Variants in AGAP1 observed in about 807,000 individuals in gnomAD.
AGAP1 encodes ArfGAP with GTPase domain, ankyrin repeat and PH domain 1.
In AGAP1, 29 loss-of-function variants were observed where a neutral mutation model predicts 105.3. The ratio of observed to expected loss-of-function variants is 0.28; its 90% CI spans 0.21 to 0.38. The LOEUF is 0.38. AGAP1 is among the 10% of genes least tolerant of loss of function. AGAP1 has a pLI of 1.00. For synonymous variants in AGAP1, 509 were observed against 485.9 expected (o/e 1.05, Z -0.63); for missense variants, 998 against 1,165.1 (o/e 0.86, Z 2.09).
In AGAP1 at chr2:236,035,291, C is replaced by G. The variant is rs545922716; in HGVS notation, c.1646-1270C>G. On this transcript the variant is annotated intron_variant, in intron 13 of 17. Coordinates refer to ENST00000304032, the MANE Select transcript of AGAP1 (RefSeq NM_001037131.3). The surrounding 1 kb of genome is among the most constrained non-coding windows in gnomAD (Gnocchi z 4.2). ...TGCAGCTAGTTCACAGGCCAGGGCC[C>G]GGAAACATTGAGTCAAATGAGATGT... Among the ~76,000 whole-genome samples the G allele has an allele frequency of 6.6e-6, 1 of 152,096 alleles. No individual in the cohort carries two copies. The highest frequency in any genetic ancestry group is 1.5e-5 in the Non-Finnish European group (1 of 68,022).
chr2:235,894,293 G>A (rs560372794), intron 10 of AGAP1, among the ~76,000 whole-genome samples: 2 of 152,226 alleles, frequency 1.3e-5, no homozygotes, highest in Admixed American at 6.5e-5. Context: ...TCTTGGGACC[G>A]AAGAGATAAT....
At chr2:235,516,055 TCTGCTGCTG>T (rs112761133) in intron 1 of AGAP1, among the ~76,000 whole-genome samples, 109 of 138,712 alleles carry the variant, frequency 7.9e-4, no homozygotes, top group African/African-American at 9.4e-4. Context: ...CATGGGCTCC[TCTGCTGCTG>T]CTGCTGCTGC....
At chr2:235,790,712 GC>G (rs1956925054) in intron 6 of AGAP1, among the ~76,000 whole-genome samples, 1 of 152,106 alleles carries the variant, frequency 6.6e-6, no homozygotes, top group Admixed American at 6.5e-5. Flanking sequence ...TCCCACCCCA[GC>G]CCCACTGTTG....
chr2:235,876,910 C>T (rs1380599894), intron 9 of AGAP1, among the ~76,000 whole-genome samples: 3 of 149,608 alleles, frequency 2.0e-5, no homozygotes, highest in Non-Finnish European at 4.4e-5. Context: ...TGCAATGGCG[C>T]AATCTTGGCT....
At chr2:235,588,523 C>T (rs1449652462) in intron 1 of AGAP1, among the ~76,000 whole-genome samples, 2 of 152,114 alleles carry the variant, frequency 1.3e-5, no homozygotes, top group East Asian at 3.8e-4. Flanking sequence ...CACACTTAAC[C>T]CCTCCAAATA....
rs1023750248 is a variant in AGAP1, at chr2:236,078,395, G to A, written c.2114+29114G>A. Among the ~76,000 whole-genome samples the A allele has an allele frequency of 1.3e-5, 2 of 152,082 alleles. No individual in the cohort carries two copies. Among genetic ancestry groups the A allele is most frequent in the African/African-American group, 4.8e-5 (2 of 41,414 alleles). ...TGGACTATAAGTGACATCTACAAAA[G>A]GCCTTCACAGCAATGCATAGGTTGT... On this transcript the variant is annotated intron_variant, in intron 16 of 17. Transcript: ENST00000304032. This position sits in a 1 kb window ranked among gnomAD's most constrained non-coding sequence, Gnocchi z 5.3.
intron 6 of AGAP1, among the ~76,000 whole-genome samples, chr2:235,775,152 G>A (rs915470659): frequency 1.3e-5 from 2 of 152,196 alleles, no homozygotes; most frequent in African/African-American, 4.8e-5. Context: ...TGGGGACAGA[G>A]CCCACAGGTC....
rs1452179374 is a variant in AGAP1 at position 236,083,699 on chromosome 2, G to T, written c.2114+34418G>T. Reference sequence around the variant, plus strand: ...TTTTGTTTTACTTAATATATAGGAAGATTTTTTTTTAATACCTTAAAAATA... The same window carrying T: ...TTTTGTTTTACTTAATATATAGGAATATTTTTTTTTAATACCTTAAAAATA... On this transcript the variant is annotated intron_variant, in intron 16 of 17. Coordinates refer to ENST00000304032, the MANE Select transcript of AGAP1 (RefSeq NM_001037131.3). The surrounding 1 kb of genome is among the most constrained non-coding windows in gnomAD (Gnocchi z 5.3). Among the ~76,000 whole-genome samples, 1 of 152,044 alleles carries T rather than the reference G, an allele frequency of 6.6e-6. No individual in the cohort carries two copies. The highest frequency in any genetic ancestry group is 6.5e-5 in the Admixed American group (1 of 15,272).
intron 1 of AGAP1, among the ~76,000 whole-genome samples, chr2:235,568,851 G>C (rs907944122): frequency 6.6e-6 from 1 of 152,072 alleles, no homozygotes; most frequent in Non-Finnish European, 1.5e-5. Context: ...AGGCAGCAGC[G>C]GATGGAGCAT....
chr2:235,591,182 AT>A (rs1441327968), intron 1 of AGAP1, among the ~76,000 whole-genome samples: 1 of 151,476 alleles, frequency 6.6e-6, no homozygotes, highest in Non-Finnish European at 1.5e-5. Flanking sequence ...TGCCCAGCTA[AT>A]TTTTGCATTT....
At chr2:235,940,490 C>T (rs931109127) in intron 12 of AGAP1, among the ~76,000 whole-genome samples, 18 of 152,186 alleles carry the variant, frequency 1.2e-4, no homozygotes, top group African/African-American at 2.9e-4. Flanking sequence ...CTCCAGCCGG[C>T]GGCTTTGCTG....
intron 1 of AGAP1, among the ~76,000 whole-genome samples, chr2:235,577,000 C>G (rs1027837412): frequency 6.6e-6 from 1 of 152,180 alleles, no homozygotes. Flanking sequence ...CATCTTCCCT[C>G]CATACCCCAA....
At chr2:235,730,477 T>TTAAAAA in intron 3 of AGAP1, among the ~76,000 whole-genome samples, 1 of 123,890 alleles carries the variant, frequency 8.1e-6, no homozygotes, top group South Asian at 2.8e-4. Flanking sequence ...GTTTACCTTT[T>TTAAAAA]AAAAAAAAAA....
At chr2:235,922,018 G>C (rs2052204775) in intron 11 of AGAP1, among the ~76,000 whole-genome samples, 1 of 152,210 alleles carries the variant, frequency 6.6e-6, no homozygotes, top group South Asian at 2.1e-4. Context: ...CGAAGGCCTA[G>C]TTTGAAGTGA....
In AGAP1 at chr2:235,612,928, C is replaced by G. The variant is rs903877709; in HGVS notation, c.164-96251C>G. On this transcript the variant is annotated intron_variant, in intron 1 of 17. Coordinates refer to ENST00000304032, the MANE Select transcript of AGAP1 (RefSeq NM_001037131.3). The surrounding 1 kb of genome is among the most constrained non-coding windows in gnomAD (Gnocchi z 4.3). ...CAATGTGAGGCATCTCTGATGATGC[C>G]TAAGGATGTCCTTCTAATTTGGAGT... Among the ~76,000 whole-genome samples, 2 of 152,094 alleles carry G rather than the reference C, an allele frequency of 1.3e-5. No homozygotes were observed. Among genetic ancestry groups the G allele is most frequent in the African/African-American group, 4.8e-5 (2 of 41,406 alleles).
chr2:235,543,476 G>A (rs1943520703), intron 1 of AGAP1, among the ~76,000 whole-genome samples: 1 of 152,202 alleles, frequency 6.6e-6, no homozygotes, highest in Non-Finnish European at 1.5e-5. Flanking sequence ...GGACATGGCA[G>A]AGCATCCAGA....
intron 9 of AGAP1, among the ~76,000 whole-genome samples, chr2:235,822,425 G>A (rs1362647932): frequency 6.6e-6 from 1 of 150,926 alleles, no homozygotes. Context: ...GGGTGAGGGG[G>A]AGATGGAGAA....
At chr2:235,871,186 G>C (rs1162855251) in intron 9 of AGAP1, among the ~76,000 whole-genome samples, 3 of 152,202 alleles carry the variant, frequency 2.0e-5, no homozygotes, top group Non-Finnish European at 4.4e-5. Flanking sequence ...TCTTACTCAA[G>C]GGTTTTCTGC....
rs1338520987 is a variant in AGAP1, at chr2:235,712,699, C to T, written c.222+3462C>T. Among the ~76,000 whole-genome samples the T allele has an allele frequency of 2.0e-5, 3 of 152,198 alleles. No homozygotes were observed. The highest frequency in any genetic ancestry group is 6.5e-5 in the Admixed American group (1 of 15,288). On this transcript the variant is annotated intron_variant, in intron 2 of 17. Transcript: ENST00000304032. This position sits in a 1 kb window ranked among gnomAD's most constrained non-coding sequence, Gnocchi z 6.0. ...AACGCACTTCATGTGCCTGCACAGACGGTGACCCCTGCACAGAGGTTGACA... is the reference window on the plus strand; with the variant it reads ...AACGCACTTCATGTGCCTGCACAGATGGTGACCCCTGCACAGAGGTTGACA...
Sources: allele counts gnomAD v4.1 joint callset (sites outside exome capture counted in the v4.1 genomes callset), GRCh38; gene constraint gnomAD v4.1.1; non-coding constraint Gnocchi (gnomAD v3.1); transcripts MANE v1.5; gene names NCBI Gene and HGNC (gene_info 2026-07-23, HGNC 2026-07-21).